Variants in GCNT2 observed in about 807,000 individuals in gnomAD.
GCNT2 encodes the protein N-acetyllactosaminide beta-1,6-N-acetylglucosaminyl-transferase.
A neutral mutation model predicts 34.2 loss-of-function variants in GCNT2; 34 were observed. The ratio of observed to expected loss-of-function variants is 1.00; its 90% CI spans 0.76 to 1.32. The LOEUF is 1.32. Ranked by LOEUF, GCNT2 falls within the 40% of genes most tolerant of loss-of-function variation. The pLI is 0.00. For synonymous variants in GCNT2, 212 were observed against 188.0 expected (o/e 1.13, Z -1.04); for missense variants, 584 against 489.4 (o/e 1.19, Z -1.82).
chr6:10,605,097 G>A (rs989909691), intron 3 of GCNT2, among the ~76,000 whole-genome samples: 1 of 151,558 alleles, frequency 6.6e-6, no homozygotes. Flanking sequence ...AGTGATCCAT[G>A]ATTGCGCCAT....
At chr6:10,563,277 C>CCGTA (rs1262589740) in intron 3 of GCNT2, among the ~76,000 whole-genome samples, 1 of 152,176 alleles carries the variant, frequency 6.6e-6, no homozygotes, top group Non-Finnish European at 1.5e-5. Flanking sequence ...ACTGACCTAA[C>CCGTA]CGTACCCTTT....
At chr6:10,581,055 T>C (rs1030714937) in intron 3 of GCNT2, among the ~76,000 whole-genome samples, 2 of 152,134 alleles carry the variant, frequency 1.3e-5, no homozygotes, top group Non-Finnish European at 2.9e-5. Flanking sequence ...GTTAATAGCT[T>C]TGCCTGCCCA....
At chr6:10,597,243 C>T (rs1764896660) in intron 3 of GCNT2, among the ~76,000 whole-genome samples, 1 of 148,802 alleles carries the variant, frequency 6.7e-6, no homozygotes, top group South Asian at 2.1e-4. Context: ...GCAACCTCTG[C>T]CTCCTGGGCT....
chr6:10,550,349 T>G (rs946603620), intron 3 of GCNT2, among the ~76,000 whole-genome samples: 1 of 152,076 alleles, frequency 6.6e-6, no homozygotes, highest in African/African-American at 2.4e-5. Context: ...CATTTTTTTT[T>G]TCTTACAATA....
chr6:10,545,110 TG>T (rs1762214467), intron 3 of GCNT2, among the ~76,000 whole-genome samples: 1 of 152,156 alleles, frequency 6.6e-6, no homozygotes, highest in Admixed American at 6.5e-5. Flanking sequence ...AAGAATCAAG[TG>T]GGTACAGCCC....
At chr6:10,593,018 G>A (rs58595255) in intron 3 of GCNT2, among the ~76,000 whole-genome samples, 2,213 of 152,276 alleles carry the variant, frequency 0.015, 56 homozygotes, top group African/African-American at 0.051. Flanking sequence ...TGGGATTACA[G>A]GCGTGAGCCA....
chr6:10,522,646 T>C (rs952632377), intron 1 of GCNT2, among the ~76,000 whole-genome samples: 1 of 152,210 alleles, frequency 6.6e-6, no homozygotes, highest in East Asian at 1.9e-4. Flanking sequence ...TATTCTTTCA[T>C]GTAATTATTC....
At chr6:10,527,189 C>T (rs763727716) in intron 1 of GCNT2, among the ~76,000 whole-genome samples, 1 of 152,020 alleles carries the variant, frequency 6.6e-6, no homozygotes, top group Non-Finnish European at 1.5e-5. Context: ...TTTGGGAGGC[C>T]GAGGCGGGTG....
intron 1 of GCNT2, among the ~76,000 whole-genome samples, chr6:10,525,715 A>T (rs1761150904): frequency 6.6e-6 from 1 of 152,202 alleles, no homozygotes; most frequent in Non-Finnish European, 1.5e-5. Context: ...GCTCAAAATC[A>T]AGGGACCGTC....
chr6:10,549,561 CTCTTTTT>C (rs1762400075), intron 3 of GCNT2, among the ~76,000 whole-genome samples: 7 of 111,296 alleles, frequency 6.3e-5, no homozygotes, highest in African/African-American at 2.5e-4. Context: ...CAATCTCTCT[CTCTTTTT>C]TTTTTTTTTT....
intron 3 of GCNT2, among the ~76,000 whole-genome samples, chr6:10,540,804 G>T (rs1274004619): frequency 6.6e-6 from 1 of 152,128 alleles, no homozygotes; most frequent in Non-Finnish European, 1.5e-5. Flanking sequence ...CACAGGGTGG[G>T]ATTCCTAAAT....
intron 3 of GCNT2, chr6:10,586,632 A>G: frequency 6.2e-7 from 1 of 1,614,230 alleles, no homozygotes; most frequent in Non-Finnish European, 8.5e-7. Context: ...AGGGAAAAAT[A>G]TCACCCCAGG....
chr6:10,613,101 C>A (rs1765627499), intron 3 of GCNT2, among the ~76,000 whole-genome samples: 1 of 152,164 alleles, frequency 6.6e-6, no homozygotes, highest in Non-Finnish European at 1.5e-5. Context: ...AAATAATAAG[C>A]AATTTCTGGA....
At chr6:10,549,120 G>T (rs532863743) in intron 3 of GCNT2, among the ~76,000 whole-genome samples, 4 of 152,260 alleles carry the variant, frequency 2.6e-5, no homozygotes, top group African/African-American at 9.6e-5. Context: ...GGCATTAGTG[G>T]GTAGAGGCCA....
chr6:10,555,457 G>T (rs775050845), intron 3 of GCNT2, among the ~76,000 whole-genome samples: 14 of 152,154 alleles, frequency 9.2e-5, no homozygotes, highest in Non-Finnish European at 1.8e-4. Context: ...GCCGTTCTCT[G>T]GGGGGGTTAA....
chr6:10,549,565 T>C (rs530692), intron 3 of GCNT2, among the ~76,000 whole-genome samples: 5,801 of 58,696 alleles, frequency 0.099, 199 homozygotes, highest in African/African-American at 0.23. Flanking sequence ...CTCTCTCTCT[T>C]TTTTTTTTTT....
intron 3 of GCNT2, among the ~76,000 whole-genome samples, chr6:10,538,146 G>A (rs574402456): frequency 3.3e-5 from 5 of 152,010 alleles, no homozygotes; most frequent in African/African-American, 1.2e-4. Context: ...AGTGGCTCAC[G>A]CATGTAATCC....
intron 3 of GCNT2, among the ~76,000 whole-genome samples, chr6:10,576,494 C>G (rs189955145): frequency 6.6e-5 from 10 of 152,008 alleles, no homozygotes; most frequent in Admixed American, 2.6e-4. Flanking sequence ...ATAATTGAAG[C>G]CTTCCCTTTT....
At chr6:10,620,800 A>T (rs1398891982) in intron 3 of GCNT2, among the ~76,000 whole-genome samples, 1 of 152,196 alleles carries the variant, frequency 6.6e-6, no homozygotes, top group Non-Finnish European at 1.5e-5. Context: ...ATTGAAAAAC[A>T]CTTAGCACAG....
Sources: gnomAD v4.1 joint callset for allele counts (sites outside exome capture counted in the v4.1 genomes callset) on GRCh38, gnomAD v4.1.1 for gene constraint, MANE v1.5 for transcripts, NCBI Gene and HGNC (gene_info 2026-07-23, HGNC 2026-07-21) for gene names.